PCDHA1: variants seen among roughly 807,000 people sequenced by gnomAD.
PCDHA1 encodes protocadherin alpha 1.
In PCDHA1, 42 loss-of-function variants were observed where a neutral mutation model predicts 61.3. The ratio of observed to expected loss-of-function variants is 0.69; its 90% CI spans 0.54 to 0.89. The LOEUF is 0.89. PCDHA1 is among the 40% of genes least tolerant of loss of function. PCDHA1 has a pLI of 0.00. For synonymous variants in PCDHA1, 610 were observed against 553.8 expected (o/e 1.10, Z -1.43); for missense variants, 1,256 against 1,235.3 (o/e 1.02, Z -0.25).
At chr5:140,931,853 G>A (rs2087796602) in intron 1 of PCDHA1, among the ~76,000 whole-genome samples, 1 of 151,744 alleles carries the variant, frequency 6.6e-6, no homozygotes, top group African/African-American at 2.4e-5. Context: ...ATAACAACAG[G>A]ATTCTAGAAA....
At chr5:140,868,633 C>T (rs1554162141) in intron 1 of PCDHA1, 1 of 154,552 alleles carries the variant, frequency 6.5e-6, no homozygotes, top group Non-Finnish European at 1.4e-5. Flanking sequence ...AATTCTCTTT[C>T]TCTCTCACTC....
At chr5:140,821,627 C>G in intron 1 of PCDHA1, 1 of 931,038 alleles carries the variant, frequency 1.1e-6, no homozygotes, top group East Asian at 2.7e-5. Context: ...TTTCCTTAGA[C>G]AGAAAGGAAA....
rs530240100 is a variant in PCDHA1 at position 140,875,788 on chromosome 5, C to T, written c.2394+87104C>T. 5 of 1,614,194 alleles carry T rather than the reference C, an allele frequency of 3.1e-6. No individual in the cohort carries two copies. In the Admixed American group the frequency reaches 5.0e-5, roughly 16 times the overall value. The stretch of plus-strand genomic sequence containing the variant: ...GCGGAGCGCGGAGTGCAGTATCCAC[C>T]TGGAGGTGATCGTGGACAGGCCGCT... On this transcript the variant is annotated intron_variant, in intron 1 of 3. Coordinates refer to ENST00000504120, the MANE Select transcript of PCDHA1 (RefSeq NM_018900.4).
chr5:140,982,357 A>G, intron 2 of PCDHA1, 118 bp from the exon 3 acceptor site: 1 of 1,520,660 alleles, frequency 6.6e-7, no homozygotes. Flanking sequence ...TTCAAGCATG[A>G]GCAGAATGTG....
chr5:140,848,975 A>G lies in PCDHA1; in HGVS notation c.2394+60291A>G, dbSNP rs2040717769. 3 of 1,601,024 alleles carry G rather than the reference A, an allele frequency of 1.9e-6. No homozygotes were observed. The East Asian group carries it at 6.7e-5, about 36-fold the overall frequency. ...TTCCACTAGAGGGCGCGTCCGATGC[A>G]GATATCGGGGAGAACGCCCTGCTCA... On this transcript the variant is annotated intron_variant, in intron 1 of 3. Transcript: ENST00000504120.
chr5:140,875,216 A>T, intron 1 of PCDHA1: 1 of 717,612 alleles, frequency 1.4e-6, no homozygotes, highest in East Asian at 3.2e-5. Flanking sequence ...ACCGAAAAGA[A>T]CCTCAGGATC....
chr5:140,875,378 T>G, intron 1 of PCDHA1: 1 of 1,458,602 alleles, frequency 6.9e-7, no homozygotes, highest in Non-Finnish European at 9.0e-7. Context: ...TTACTAAATA[T>G]GTACTTACAG....
intron 1 of PCDHA1, chr5:140,968,302 G>C (rs2096236958): frequency 6.2e-7 from 1 of 1,613,812 alleles, no homozygotes; most frequent in African/African-American, 1.3e-5. Context: ...TGGAGAGGGA[G>C]ATTCAAGGGC....
chr5:140,805,901 G>T (rs1763649700), intron 1 of PCDHA1, among the ~76,000 whole-genome samples: 1 of 152,052 alleles, frequency 6.6e-6, no homozygotes, highest in Non-Finnish European at 1.5e-5. Flanking sequence ...AACATTTTCT[G>T]CAGGGTAAAT....
intron 1 of PCDHA1, among the ~76,000 whole-genome samples, chr5:140,912,160 C>T (rs1208125180): frequency 6.6e-6 from 1 of 152,134 alleles, no homozygotes. Context: ...TGTTTTTATT[C>T]TGGCTGTGCT....
intron 1 of PCDHA1, chr5:140,802,951 T>C (rs782235300): frequency 2.5e-5 from 40 of 1,613,774 alleles, no homozygotes; most frequent in Non-Finnish European, 3.2e-5. Flanking sequence ...CCGCGGTCAG[T>C]GGGTGCGGGC....
rs782141581 is a variant in PCDHA1 at position 140,857,357 on chromosome 5, A to G, written c.2394+68673A>G. On this transcript the variant is annotated intron_variant, in intron 1 of 3. Coordinates refer to ENST00000504120, the MANE Select transcript of PCDHA1 (RefSeq NM_018900.4). ...CGGGGGCTCGCCTCCGCTGTGGGCC[A>G]CGGCCAGCGTGTCTGTGGAGGTGGC... 29 of 1,598,430 alleles carry G rather than the reference A, an allele frequency of 1.8e-5. 3 individuals are homozygous for G. Among genetic ancestry groups the G allele is most frequent in the Non-Finnish European group, 2.5e-5 (29 of 1,167,908 alleles).
At chr5:140,884,432 C>T (rs782413139) in intron 1 of PCDHA1, 2 of 1,613,880 alleles carry the variant, frequency 1.2e-6, no homozygotes, top group East Asian at 4.5e-5. Flanking sequence ...TACTGCGCTG[C>T]GGTGCTCGGC....
At position 140,883,880 on chromosome 5, in the gene PCDHA1, C is replaced by T. The variant is rs782301944; in HGVS notation, c.2395-95069C>T. The stretch of plus-strand genomic sequence containing the variant: ...GCTGTTGCAGTTCCAGGTGAGCGCG[C>T]GCGACTCTGGCGTGCCGCCTCTGGG... On this transcript the variant is annotated intron_variant, in intron 1 of 3. Transcript: ENST00000504120. 20 of 1,613,304 alleles carry T rather than the reference C, an allele frequency of 1.2e-5. No homozygotes were observed. The Middle Eastern group carries it at 6.9e-4, about 56-fold the overall frequency.
chr5:140,941,243 CTT>C (rs782176516), intron 1 of PCDHA1, among the ~76,000 whole-genome samples: 1 of 131,826 alleles, frequency 7.6e-6, no homozygotes, highest in Non-Finnish European at 1.6e-5. Flanking sequence ...TTCTTTCTTT[CTT>C]TCTTTCTTTC....
chr5:140,927,706 C>G lies in PCDHA1; in HGVS notation c.2395-51243C>G, dbSNP rs1584519766. The G allele has an allele frequency of 1.2e-6, 2 of 1,614,108 alleles. No homozygotes were observed. Among genetic ancestry groups the G allele is most frequent in the African/African-American group, 2.7e-5 (2 of 74,940 alleles). Reference sequence around the variant, plus strand: ...GTCCAATGGGGAAGTCCAGTACTCCCTAAGCAACAGCACGCAAGCAGAGCT... The same window carrying G: ...GTCCAATGGGGAAGTCCAGTACTCCGTAAGCAACAGCACGCAAGCAGAGCT... On this transcript the variant is annotated intron_variant, in intron 1 of 3. Coordinates refer to ENST00000504120, the MANE Select transcript of PCDHA1 (RefSeq NM_018900.4).
In PCDHA1 at chr5:140,848,578, G is replaced by A. The variant is rs148489343; in HGVS notation, c.2394+59894G>A. On this transcript the variant is annotated intron_variant, in intron 1 of 3. Transcript: ENST00000504120. ...ATCCTCGCAATGTGGGTGGTGGGGA[G>A]CGGCCAGCTCCACTACTCCGTCCCG... 4 of 1,595,522 alleles carry A rather than the reference G, an allele frequency of 2.5e-6. 1 individual carries two copies. In the African/African-American group the frequency reaches 4.0e-5, roughly 16 times the overall value.
Position 140,982,836 on chromosome 5 carries a change from T to C in PCDHA1, c.2542+273T>C, listed in dbSNP as rs2097010696. 2.6e-5 allele frequency among the ~76,000 whole-genome samples: 4 copies of C among 152,244 alleles called. No individual in the cohort carries two copies. The South Asian group carries it at 8.3e-4, about 32-fold the overall frequency. ...ATGAAGTTTTTGGGGTTTGTTTGTT[T>C]GTTTAAATCAGGTACCTTTCAAATG... On this transcript the variant is annotated intron_variant, in intron 3 of 3. Coordinates refer to ENST00000504120, the MANE Select transcript of PCDHA1 (RefSeq NM_018900.4).
chr5:140,824,610 G>GTT (rs2150135229), intron 1 of PCDHA1: 11,616 of 94,826 alleles, frequency 0.12, 1,879 homozygotes, highest in Non-Finnish European at 0.13. Context: ...GCTAATTAAA[G>GTT]TTTTTTTTTT....
Sources: allele counts gnomAD v4.1 joint callset (sites outside exome capture counted in the v4.1 genomes callset), GRCh38; gene constraint gnomAD v4.1.1; transcripts MANE v1.5; gene names NCBI Gene and HGNC (gene_info 2026-07-23, HGNC 2026-07-21).